The following KLHL32 variants were observed in gnomAD, a reference collection of about 807,000 sequenced individuals.
The protein encoded by KLHL32 is kelch like family member 32, also known as kelch-like protein 32.
A neutral mutation model predicts 64.8 loss-of-function variants in KLHL32; 35 were observed. That is an observed-to-expected ratio of 0.54 (90% confidence interval 0.41 to 0.72). The LOEUF is 0.72. KLHL32 is among the 30% of genes least tolerant of loss of function. The pLI is 0.00. For missense variants in KLHL32, 589 were observed against 768.5 expected (o/e 0.77, Z 2.76); for synonymous variants, 259 against 281.0 (o/e 0.92, Z 0.78).
chr6:96,963,940 A>G (rs1774150448), intron 1 of KLHL32, among the ~76,000 whole-genome samples: 2 of 152,210 alleles, frequency 1.3e-5, no homozygotes, highest in Non-Finnish European at 2.9e-5. Flanking sequence ...CACAGTTGAA[A>G]GAGATCTCAA....
intron 3 of KLHL32, among the ~76,000 whole-genome samples, chr6:97,012,657 A>G (rs1330298691): frequency 6.6e-6 from 1 of 152,186 alleles, no homozygotes; most frequent in African/African-American, 2.4e-5. Context: ...ATTTTTGTGA[A>G]TTTTCAGATG....
intron 6 of KLHL32, among the ~76,000 whole-genome samples, chr6:97,103,249 T>C (rs1795963542): frequency 6.7e-6 from 1 of 149,462 alleles, no homozygotes; most frequent in Admixed American, 6.7e-5. Flanking sequence ...CGTCTCGCTC[T>C]GTCACCCAGG....
intron 2 of KLHL32, among the ~76,000 whole-genome samples, chr6:96,973,663 A>C (rs1775352175): frequency 6.6e-6 from 1 of 151,724 alleles, no homozygotes; most frequent in South Asian, 2.1e-4. Flanking sequence ...TACATAATAT[A>C]AAGTTAATAG....
At chr6:97,006,784 G>A (rs780393713) in intron 3 of KLHL32, among the ~76,000 whole-genome samples, 4 of 152,066 alleles carry the variant, frequency 2.6e-5, no homozygotes, top group Non-Finnish European at 5.9e-5. Context: ...TTCTTTGTTG[G>A]ATTTTTTTTC....
chr6:96,933,027 T>G (rs1265452283), intron 1 of KLHL32, among the ~76,000 whole-genome samples: 1 of 152,218 alleles, frequency 6.6e-6, no homozygotes, highest in African/African-American at 2.4e-5. Context: ...TTTGCAGATG[T>G]GGGTGGAATT....
intron 7 of KLHL32, among the ~76,000 whole-genome samples, chr6:97,121,313 A>G (rs1046261202): frequency 2.0e-5 from 3 of 152,192 alleles, no homozygotes; most frequent in African/African-American, 7.2e-5. Context: ...AGATGCTTAA[A>G]TTGTAAAAAA....
chr6:96,999,221 C>G (rs1387736305), intron 3 of KLHL32, among the ~76,000 whole-genome samples: 2 of 152,096 alleles, frequency 1.3e-5, no homozygotes, highest in Non-Finnish European at 2.9e-5. Flanking sequence ...CATAGGGACA[C>G]CCCATCTCTA....
intron 6 of KLHL32, among the ~76,000 whole-genome samples, chr6:97,090,820 A>G (rs1274570535): frequency 3.3e-5 from 5 of 152,252 alleles, no homozygotes; most frequent in South Asian, 2.1e-4. Flanking sequence ...TTCTTGAGCT[A>G]TGTCTACTTT....
At chr6:96,950,884 G>C (rs1054835871) in intron 1 of KLHL32, among the ~76,000 whole-genome samples, 2 of 152,078 alleles carry the variant, frequency 1.3e-5, no homozygotes, top group African/African-American at 4.8e-5. Flanking sequence ...TTATATCTGA[G>C]AGCCCATGAG....
At chr6:96,987,847 T>C (rs1027231353) in intron 3 of KLHL32, among the ~76,000 whole-genome samples, 41 of 152,224 alleles carry the variant, frequency 2.7e-4, no homozygotes, top group African/African-American at 9.4e-4. Flanking sequence ...AAACAAGAAA[T>C]GGGGAAAGGA....
intron 3 of KLHL32, among the ~76,000 whole-genome samples, chr6:96,984,397 C>T (rs568181332): frequency 5.0e-4 from 76 of 152,174 alleles, no homozygotes; most frequent in Non-Finnish European, 7.6e-4. Flanking sequence ...CTATTAGGTC[C>T]GCTTGGTGCA....
intron 1 of KLHL32, among the ~76,000 whole-genome samples, chr6:96,940,088 A>C (rs1771101452): frequency 6.6e-6 from 1 of 152,184 alleles, no homozygotes. Flanking sequence ...CATTCCATAC[A>C]ACTGCATTAA....
chr6:96,989,238 A>G (rs1777548592), intron 3 of KLHL32, among the ~76,000 whole-genome samples: 1 of 152,188 alleles, frequency 6.6e-6, no homozygotes, highest in Non-Finnish European at 1.5e-5. Flanking sequence ...GCTGGTAATG[A>G]TGTTTCATTT....
At chr6:96,904,339 C>CAAAAAAA in the KLHL32 span, among the ~76,000 whole-genome samples, 2 of 106,098 alleles carry the variant, frequency 1.9e-5, no homozygotes, top group Non-Finnish European at 1.9e-5. Context: ...AAGACTTTGT[C>CAAAAAAA]AAAAAAAAAA....
chr6:97,087,639 C>T (rs533572811), intron 6 of KLHL32, among the ~76,000 whole-genome samples: 2 of 152,184 alleles, frequency 1.3e-5, no homozygotes, highest in African/African-American at 2.4e-5. Flanking sequence ...TGGAGGGGGG[C>T]GTGCTATTTG....
chr6:97,068,933 C>T (rs926525802), intron 5 of KLHL32, among the ~76,000 whole-genome samples: 8 of 152,140 alleles, frequency 5.3e-5, no homozygotes, highest in Admixed American at 2.0e-4. Flanking sequence ...ATGTGAAAGA[C>T]GTGACCTGCA....
intron 5 of KLHL32, among the ~76,000 whole-genome samples, chr6:97,078,226 G>A (rs1791911856): frequency 6.6e-6 from 1 of 152,126 alleles, no homozygotes; most frequent in African/African-American, 2.4e-5. Context: ...GCCAAGGATG[G>A]CCTTTCATTT....
chr6:97,061,726 C>G (rs1414696889), intron 4 of KLHL32, among the ~76,000 whole-genome samples: 1 of 152,168 alleles, frequency 6.6e-6, no homozygotes, highest in Admixed American at 6.5e-5. Flanking sequence ...GTTTGAGATC[C>G]CTTTTTTTCT....
Position 97,114,520 on chromosome 6 carries a change from C to T in KLHL32, c.1354+11C>T, listed in dbSNP as rs1357559370. On this transcript the variant is annotated intron_variant, in intron 7 of 10. Transcript: ENST00000369261. ...TTCTTTGGATATCAGGTAGAACATACCTCATGTTGGATTTATCAAAACACA... is the reference window on the plus strand; with the variant it reads ...TTCTTTGGATATCAGGTAGAACATATCTCATGTTGGATTTATCAAAACACA... The T allele has an allele frequency of 1.2e-6, 2 of 1,612,294 alleles. No homozygotes were observed. The highest frequency in any genetic ancestry group is 8.5e-7 in the Non-Finnish European group (1 of 1,179,926).
Sources: gnomAD v4.1 joint callset for allele counts (sites outside exome capture counted in the v4.1 genomes callset) on GRCh38, gnomAD v4.1.1 for gene constraint, MANE v1.5 for transcripts, NCBI Gene and HGNC (gene_info 2026-07-23, HGNC 2026-07-21) for gene names.